Variants in CDH4 observed in about 807,000 individuals in gnomAD.
CDH4 encodes cadherin 4, also known as cadherin-4.
Under a neutral mutation model 86.0 loss-of-function variants are expected in CDH4, and 33 were observed. The observed-to-expected ratio is 0.38, with a 90% CI of 0.29 to 0.51. The LOEUF is 0.51. CDH4 is among the 20% of genes least tolerant of loss of function. CDH4 has a pLI of 0.86. For missense variants in CDH4, 1,114 were observed against 1,307.4 expected (o/e 0.85, Z 2.28); for synonymous variants, 555 against 549.4 (o/e 1.01, Z -0.14).
intron 2 of CDH4, among the ~76,000 whole-genome samples, chr20:61,557,106 A>C (rs901699845): frequency 6.6e-6 from 1 of 152,202 alleles, no homozygotes; most frequent in African/African-American, 2.4e-5. Context: ...GTGAGTGGGC[A>C]TCCTGCAAGC....
intron 2 of CDH4, among the ~76,000 whole-genome samples, chr20:61,593,444 T>A (rs2086532248): frequency 6.6e-6 from 1 of 152,246 alleles, no homozygotes; most frequent in Non-Finnish European, 1.5e-5. Context: ...CCAGCATGGC[T>A]GTGCCATTTT....
intron 2 of CDH4, among the ~76,000 whole-genome samples, chr20:61,539,354 T>C (rs540153793): frequency 2.4e-4 from 36 of 152,318 alleles, no homozygotes; most frequent in African/African-American, 8.7e-4. Context: ...AGATTTATTT[T>C]CTTACAATTC....
At chr20:61,399,914 C>T (rs1368763312) in intron 2 of CDH4, among the ~76,000 whole-genome samples, 1 of 152,190 alleles carries the variant, frequency 6.6e-6, no homozygotes, top group Non-Finnish European at 1.5e-5. Context: ...CTCACGCACT[C>T]CTGCTCTAGG....
chr20:61,564,273 T>C (rs34883206), intron 2 of CDH4, among the ~76,000 whole-genome samples: 44 of 152,148 alleles, frequency 2.9e-4, no homozygotes, highest in Non-Finnish European at 5.0e-4. Flanking sequence ...TTCACCCCAC[T>C]CTGGCCATTA....
At chr20:61,407,795 C>T (rs982627620) in intron 2 of CDH4, among the ~76,000 whole-genome samples, 21 of 152,130 alleles carry the variant, frequency 1.4e-4, no homozygotes, top group East Asian at 3.9e-4. Flanking sequence ...ATGCACTGTG[C>T]ACAGTGACAT....
chr20:61,735,999 G>C (rs918797390), intron 2 of CDH4, among the ~76,000 whole-genome samples: 1 of 152,178 alleles, frequency 6.6e-6, no homozygotes, highest in Admixed American at 6.5e-5. Flanking sequence ...CCTAAAGGGG[G>C]TGTCTGGGTG....
At position 61,393,114 on chromosome 20, in the gene CDH4, AAT is replaced by A. The variant is rs1260194618; in HGVS notation, c.169+138180_169+138181del. On this transcript the variant is annotated intron_variant, in intron 2 of 15. Coordinates refer to ENST00000614565, the MANE Select transcript of CDH4 (RefSeq NM_001794.5). The surrounding 1 kb of genome is among the most constrained non-coding windows in gnomAD (Gnocchi z 4.3). ...TTGATTCCCACTGAATCTCTGTAGA[AAT>A]ATCCTCTTTATTATCTCATCTGACC... 2.0e-5 allele frequency among the ~76,000 whole-genome samples: 3 copies of A among 152,166 alleles called. No homozygotes were observed. Among genetic ancestry groups the A allele is most frequent in the Admixed American group, 6.5e-5 (1 of 15,276 alleles).
chr20:61,485,973 G>C (rs74712680), intron 2 of CDH4, among the ~76,000 whole-genome samples: 6,744 of 152,284 alleles, frequency 0.044, 508 homozygotes, highest in African/African-American at 0.15. Context: ...AATCTGATGA[G>C]TGCATCAGCT....
chr20:61,404,050 C>T (rs191464948), intron 2 of CDH4, among the ~76,000 whole-genome samples: 1 of 152,252 alleles, frequency 6.6e-6, no homozygotes, highest in East Asian at 1.9e-4. Flanking sequence ...TTTTCACATG[C>T]CGTTGATCAG....
rs528864689 is a variant in CDH4, at chr20:61,873,720, C to T, written c.878-8C>T. On this transcript the variant is annotated splice_region_variant and splice_polypyrimidine_tract_variant and intron_variant, in intron 6 of 15. Transcript: ENST00000614565. ...CCATCCCCATCTGAGCTGCTGTCTC[C>T]GTTCCAGGCACCTACGTGATGACCG... 38 of 1,611,286 alleles carry T rather than the reference C, an allele frequency of 2.4e-5. No individual in the cohort carries two copies. The highest frequency in any genetic ancestry group is 3.3e-4 in the Middle Eastern group (2 of 6,050).
chr20:61,905,518 G>A (rs1215680666), intron 8 of CDH4, among the ~76,000 whole-genome samples: 1 of 152,192 alleles, frequency 6.6e-6, no homozygotes, highest in Non-Finnish European at 1.5e-5. Flanking sequence ...AAATCCAAGG[G>A]GCCAGGAGCT....
At chr20:61,887,299 G>A (rs1432630666) in intron 7 of CDH4, among the ~76,000 whole-genome samples, 1 of 152,140 alleles carries the variant, frequency 6.6e-6, no homozygotes, top group Non-Finnish European at 1.5e-5. Context: ...CTTCCTGCGG[G>A]TCTAGCTTCC....
chr20:61,415,841 A>C (rs2085143959), intron 2 of CDH4, among the ~76,000 whole-genome samples: 1 of 152,060 alleles, frequency 6.6e-6, no homozygotes, highest in Non-Finnish European at 1.5e-5. Context: ...CTGGGATTAC[A>C]GGTGTGCGCC....
At chr20:61,868,615 C>T (rs1225984437) in intron 6 of CDH4, among the ~76,000 whole-genome samples, 1 of 152,002 alleles carries the variant, frequency 6.6e-6, no homozygotes, top group African/African-American at 2.4e-5. Context: ...GTCCCCTCCA[C>T]GCTGGCTGAG....
chr20:61,728,729 G>A (rs1193092844), intron 2 of CDH4, among the ~76,000 whole-genome samples: 1 of 152,232 alleles, frequency 6.6e-6, no homozygotes, highest in African/African-American at 2.4e-5. Flanking sequence ...ATGTATGAGT[G>A]AAGATTCAGG....
intron 8 of CDH4, among the ~76,000 whole-genome samples, chr20:61,903,197 C>T (rs912530821): frequency 6.6e-6 from 1 of 152,166 alleles, no homozygotes; most frequent in Non-Finnish European, 1.5e-5. Context: ...AGGACAGCTA[C>T]AGAGAAAACC....
chr20:61,786,736 G>A (rs1410992154), intron 4 of CDH4, among the ~76,000 whole-genome samples: 1 of 152,174 alleles, frequency 6.6e-6, no homozygotes, highest in Non-Finnish European at 1.5e-5. Flanking sequence ...CTGAATTGCT[G>A]GAGCACCCTC....
chr20:61,707,669 T>C (rs542148199), intron 2 of CDH4, among the ~76,000 whole-genome samples: 3 of 152,324 alleles, frequency 2.0e-5, no homozygotes, highest in East Asian at 3.9e-4. Context: ...TGGAAGATAA[T>C]GAAGACAATT....
chr20:61,566,971 G>A (rs1244128703), intron 2 of CDH4, among the ~76,000 whole-genome samples: 1 of 152,166 alleles, frequency 6.6e-6, no homozygotes, highest in Non-Finnish European at 1.5e-5. Context: ...GGGCTTGCCT[G>A]CCTCGGGGGA....
Sources: gnomAD v4.1 joint callset for allele counts (sites outside exome capture counted in the v4.1 genomes callset) on GRCh38, gnomAD v4.1.1 for gene constraint, Gnocchi (gnomAD v3.1) non-coding constraint, MANE v1.5 for transcripts, NCBI Gene and HGNC (gene_info 2026-07-23, HGNC 2026-07-21) for gene names.